Variants in RIN3 observed in about 807,000 individuals in gnomAD.
RIN3 encodes Ras and Rab interactor 3, also known as RAB5 interacting protein 3.
A neutral mutation model predicts 76.3 loss-of-function variants in RIN3; 54 were observed. The observed-to-expected ratio is 0.71, with a 90% CI of 0.57 to 0.89. The LOEUF is 0.89. RIN3 is among the 40% of genes least tolerant of loss of function. The pLI, the probability that RIN3 is intolerant of heterozygous loss-of-function variation, is 0.00. For synonymous variants in RIN3, 576 were observed against 564.0 expected (o/e 1.02, Z -0.30); for missense variants, 1,256 against 1,322.1 (o/e 0.95, Z 0.78).
chr14:92,659,304 A>G lies in RIN3; in HGVS notation c.2170A>G (p.Thr724Ala). The G allele has an allele frequency of 1.2e-6, 2 of 1,613,560 alleles. No homozygotes were observed. Among genetic ancestry groups the G allele is most frequent in the Non-Finnish European group, 1.7e-6 (2 of 1,179,688 alleles). Reference sequence around the variant, plus strand: ...CCAGTTAGTGATCCTGGCCACCACCACCACTGACCTAGGTGTGACCACCAG... The same window carrying G: ...CCAGTTAGTGATCCTGGCCACCACCGCCACTGACCTAGGTGTGACCACCAG... ...ENQLVILATT[T>A]TDLGVTTSVP... The change falls in exon 7 of 10, where the codon ACC becomes GCC. Residue 724 changes from threonine to alanine, a missense_variant. Physicochemically the swap from Thr to Ala is moderately conservative, Grantham distance 58. This residue lies in a region of RIN3 where 428 missense variants were observed against 521.2 expected (regional missense o/e 0.82). Transcript: ENST00000216487.
Position 92,513,830 on chromosome 14 carries a change from T to C in RIN3, c.-103T>C. The C allele has an allele frequency of 1.2e-6, 1 of 800,836 alleles. No individual in the cohort carries two copies. Among genetic ancestry groups the C allele is most frequent in the Non-Finnish European group, 1.7e-6 (1 of 596,184 alleles). The allele number at this position is 800,836 out of a possible 1,614,324, so 49.6% of individuals were successfully genotyped here. ...GCGGCGGCAGCGGCGGCCTGGCCCT[T>C]CCAGAGGGCCAGAGCCAGGGACATG... On this transcript the variant is annotated 5_prime_UTR_variant, in exon 1 of 10. Coordinates refer to ENST00000216487, the MANE Select transcript of RIN3 (RefSeq NM_024832.5).
At chr14:92,525,363 G>A (rs980575540) in intron 1 of RIN3, among the ~76,000 whole-genome samples, 2 of 152,176 alleles carry the variant, frequency 1.3e-5, no homozygotes, top group African/African-American at 4.8e-5. Context: ...GGTGTGGGGG[G>A]ATGGTATTGC....
At chr14:92,678,157 C>T (rs1437301793) in intron 8 of RIN3, among the ~76,000 whole-genome samples, 1 of 149,252 alleles carries the variant, frequency 6.7e-6, no homozygotes, top group Non-Finnish European at 1.5e-5. Flanking sequence ...TAACCATCTA[C>T]CCATCCATCC....
chr14:92,514,819 T>G lies in RIN3; in HGVS notation c.44+843T>G, dbSNP rs1896394572. On this transcript the variant is annotated intron_variant, in intron 1 of 9. Coordinates refer to ENST00000216487, the MANE Select transcript of RIN3 (RefSeq NM_024832.5). The surrounding 1 kb of genome is among the most constrained non-coding windows in gnomAD (Gnocchi z 7.2). The stretch of plus-strand genomic sequence containing the variant: ...AGGGCGTCCTGAGAAGCTTCAGGTG[T>G]TGTAGAGACGCCCGGTCGGAGGCGG... 6.6e-6 allele frequency among the ~76,000 whole-genome samples: 1 copy of G among 152,194 alleles called. No individual in the cohort carries two copies. Among genetic ancestry groups the G allele is most frequent in the South Asian group, 2.1e-4 (1 of 4,834 alleles).
intron 4 of RIN3, among the ~76,000 whole-genome samples, chr14:92,626,315 C>T (rs544778045): frequency 6.6e-6 from 1 of 152,272 alleles, no homozygotes; most frequent in South Asian, 2.1e-4. Flanking sequence ...CCCTTTCTTC[C>T]CCTGAGAAGA....
intron 1 of RIN3, among the ~76,000 whole-genome samples, chr14:92,548,644 T>G (rs943665): frequency 0.83 from 125,879 of 151,928 alleles, 52,244 homozygotes; most frequent in Middle Eastern, 0.87. Context: ...CATAACTCCA[T>G]TCTCTACCTC....
intron 2 of RIN3, chr14:92,576,522 G>A (rs1898238046): frequency 1.4e-6 from 1 of 739,204 alleles, no homozygotes; most frequent in Non-Finnish European, 2.0e-6. Flanking sequence ...ATGGCATGGA[G>A]GTCCCAAGCG....
intron 3 of RIN3, among the ~76,000 whole-genome samples, chr14:92,592,797 T>G (rs996957620): frequency 5.3e-5 from 8 of 151,624 alleles, no homozygotes; most frequent in Non-Finnish European, 1.0e-4. Flanking sequence ...TACCTCAGCT[T>G]CCTGAGTAGC....
At position 92,565,770 on chromosome 14, in the gene RIN3, C is replaced by T. The variant is rs150358815; in HGVS notation, c.249+9815C>T. On this transcript the variant is annotated intron_variant, in intron 2 of 9. Transcript: ENST00000216487. ...CATCTTGGTTTTGGTGGGTTTGGGC[C>T]GGCTTCTTTACCACATCTTGTTTTA... Among the ~76,000 whole-genome samples the T allele has an allele frequency of 1.4e-3, 211 of 152,242 alleles. 1 individual carries two copies. Among genetic ancestry groups the T allele is most frequent in the Non-Finnish European group, 1.6e-3 (110 of 68,020 alleles).
At chr14:92,597,787 G>A (rs1248119357) in intron 3 of RIN3, among the ~76,000 whole-genome samples, 6 of 152,168 alleles carry the variant, frequency 3.9e-5, no homozygotes, top group Admixed American at 6.5e-5. Context: ...TGTGTAGCCC[G>A]ACCTAGAATG....
At position 92,659,145 on chromosome 14, in the gene RIN3, T is replaced by A. The variant is rs757538726; in HGVS notation, c.2027-16T>A. ...GCATCTGGTTTCCTCACCCTCGCTC[T>A]CTTGTTTACCTGCAGAAGCAATTGT... is the stretch of plus-strand genomic sequence containing the variant. On this transcript the variant is annotated splice_polypyrimidine_tract_variant and intron_variant, in intron 6 of 9. Coordinates refer to ENST00000216487, the MANE Select transcript of RIN3 (RefSeq NM_024832.5). 152 of 1,613,264 alleles carry A rather than the reference T, an allele frequency of 9.4e-5. No individual in the cohort carries two copies. Among genetic ancestry groups the A allele is most frequent in the Non-Finnish European group, 1.2e-4 (141 of 1,179,598 alleles).
intron 3 of RIN3, among the ~76,000 whole-genome samples, chr14:92,596,705 A>G (rs1490556332): frequency 6.6e-6 from 1 of 152,198 alleles, no homozygotes; most frequent in Non-Finnish European, 1.5e-5. Context: ...AACGTGCTTT[A>G]TGTTCATTGC....
At chr14:92,653,659 CAAAG>C (rs1236142917) in intron 6 of RIN3, among the ~76,000 whole-genome samples, 1 of 152,188 alleles carries the variant, frequency 6.6e-6, no homozygotes, top group Non-Finnish European at 1.5e-5. Flanking sequence ...CAATAATTAT[CAAAG>C]CTTTTCCGAT....
At chr14:92,532,568 C>T (rs1896909508) in intron 1 of RIN3, among the ~76,000 whole-genome samples, 1 of 152,302 alleles carries the variant, frequency 6.6e-6, no homozygotes, top group African/African-American at 2.4e-5. Flanking sequence ...AACTCCTCCC[C>T]TCTCCCTCTC....
At chr14:92,546,007 C>T (rs535365071) in intron 1 of RIN3, among the ~76,000 whole-genome samples, 6 of 151,934 alleles carry the variant, frequency 3.9e-5, no homozygotes, top group African/African-American at 1.4e-4. Context: ...CTCACTGCAA[C>T]CTCTGCTTCC....
Position 92,524,197 on chromosome 14 carries a change from C to G in RIN3, c.44+10221C>G, listed in dbSNP as rs144206967. 2.0e-5 allele frequency among the ~76,000 whole-genome samples: 3 copies of G among 152,176 alleles called. No individual in the cohort carries two copies. The East Asian group carries it at 5.8e-4, about 29-fold the overall frequency. ...TGACAGAGTGAGATCCTGTCTGTATCCAAAAAACTAAACGAAAATAAAGAC... is the reference window on the plus strand; with the variant it reads ...TGACAGAGTGAGATCCTGTCTGTATGCAAAAAACTAAACGAAAATAAAGAC... On this transcript the variant is annotated intron_variant, in intron 1 of 9. Transcript: ENST00000216487.
intron 1 of RIN3, among the ~76,000 whole-genome samples, chr14:92,515,835 G>C (rs1399138910): frequency 6.6e-6 from 1 of 152,164 alleles, no homozygotes; most frequent in Non-Finnish European, 1.5e-5. Context: ...TATGAATATT[G>C]GTTTGTTGCT....
chr14:92,620,218 C>A (rs1444069472), intron 4 of RIN3, among the ~76,000 whole-genome samples: 1 of 152,218 alleles, frequency 6.6e-6, no homozygotes, highest in Non-Finnish European at 1.5e-5. Context: ...GAAACTCTTA[C>A]CCTTTTGCTG....
intron 8 of RIN3, among the ~76,000 whole-genome samples, chr14:92,684,296 C>T (rs1888767232): frequency 6.7e-6 from 1 of 148,660 alleles, no homozygotes; most frequent in African/African-American, 2.5e-5. Context: ...AGGAGAATCG[C>T]TTGAACGTGG....
Sources: gnomAD v4.1 joint callset for allele counts (sites outside exome capture counted in the v4.1 genomes callset) on GRCh38, gnomAD v4.1.1 for gene constraint, gnomAD v4.1.1 regional missense constraint, Gnocchi (gnomAD v3.1) non-coding constraint, MANE v1.5 for transcripts, NCBI Gene and HGNC (gene_info 2026-07-23, HGNC 2026-07-21) for gene names.